The following CWC27 variants were observed in gnomAD, a reference collection of about 807,000 sequenced individuals.
CWC27 encodes the protein CWC27 spliceosome associated cyclophilin, also known as spliceosome-associated protein CWC27 homolog.
A neutral mutation model predicts 63.6 loss-of-function variants in CWC27; 47 were observed. That is an observed-to-expected ratio of 0.74 (90% CI 0.58 to 0.94). The LOEUF is 0.94. Among genes scored for constraint, CWC27 ranks in the 40% least tolerant of loss-of-function variants. The probability of loss-of-function intolerance (pLI) is 0.00; values close to 1 mark genes in which losing one functional copy is unlikely to be tolerated. For synonymous variants in CWC27, 175 were observed against 179.8 expected (o/e 0.97, Z 0.22); for missense variants, 495 against 554.3 (o/e 0.89, Z 1.07).
At position 64,991,796 on chromosome 5, in the gene CWC27, T is replaced by C. The variant is rs965832590; in HGVS notation, c.1256+14558T>C. ...AATTAAAGGTTTTAAATGAACAAAT[T>C]TGCTCTGCCCCAAATTGTATTTATA... On this transcript the variant is annotated intron_variant, in intron 13 of 13. Transcript: ENST00000381070. Among the ~76,000 whole-genome samples the C allele has an allele frequency of 9.2e-5, 14 of 152,168 alleles. 1 individual carries two copies. Among genetic ancestry groups the C allele is most frequent in the Admixed American group, 9.2e-4 (14 of 15,284 alleles).
chr5:64,796,824 TCTTC>T (rs1247442287), intron 7 of CWC27, among the ~76,000 whole-genome samples: 3 of 68,412 alleles, frequency 4.4e-5, no homozygotes, highest in Admixed American at 2.4e-4. Context: ...TCCTTTTCCT[TCTTC>T]CTTCCTTCCT....
intron 13 of CWC27, among the ~76,000 whole-genome samples, chr5:65,002,597 A>C (rs1238647714): frequency 6.6e-6 from 1 of 152,002 alleles, no homozygotes; most frequent in Non-Finnish European, 1.5e-5. Flanking sequence ...TACAGTTTCC[A>C]ATGTTTCTTT....
At chr5:64,924,480 C>T (rs894005007) in intron 11 of CWC27, among the ~76,000 whole-genome samples, 3 of 152,272 alleles carry the variant, frequency 2.0e-5, no homozygotes, top group Non-Finnish European at 4.4e-5. Flanking sequence ...ATGTAATCTA[C>T]GTCTCTGTTT....
intron 13 of CWC27, among the ~76,000 whole-genome samples, chr5:65,004,858 T>C (rs1749799141): frequency 1.1e-5 from 1 of 92,124 alleles, no homozygotes; most frequent in East Asian, 3.3e-4. Context: ...GGAAAGACTT[T>C]TTCATATATA....
At chr5:64,808,356 G>C (rs896447595) in intron 10 of CWC27, 9 of 986,824 alleles carry the variant, frequency 9.1e-6, no homozygotes, top group Admixed American at 6.0e-5. Context: ...TGACTCCTTA[G>C]TGCAAACCTA....
At chr5:64,963,725 A>T (rs554665717) in intron 11 of CWC27, among the ~76,000 whole-genome samples, 38 of 152,350 alleles carry the variant, frequency 2.5e-4, no homozygotes, top group Non-Finnish European at 3.5e-4. Context: ...GGTATCACAG[A>T]TGAATATAAT....
intron 10 of CWC27, chr5:64,844,806 G>C (rs1745932930): frequency 4.6e-6 from 2 of 435,258 alleles, no homozygotes; most frequent in Non-Finnish European, 9.3e-6. Context: ...GACCCAGGCA[G>C]TCAAACAGCC....
intron 7 of CWC27, among the ~76,000 whole-genome samples, chr5:64,791,073 C>T (rs1744063820): frequency 6.6e-6 from 1 of 152,252 alleles, no homozygotes; most frequent in East Asian, 1.9e-4. Flanking sequence ...GGGTAGAAGG[C>T]AGCTGGGGAA....
chr5:64,896,739 A>T (rs1161189753), intron 11 of CWC27, among the ~76,000 whole-genome samples: 1 of 152,052 alleles, frequency 6.6e-6, no homozygotes, highest in Admixed American at 6.6e-5. Flanking sequence ...GACTGGCAGG[A>T]TATTTTTTAA....
At chr5:64,928,620 G>A (rs1748167804) in intron 11 of CWC27, among the ~76,000 whole-genome samples, 1 of 151,938 alleles carries the variant, frequency 6.6e-6, no homozygotes. Context: ...AAAAACCATG[G>A]GAATGATAAG....
chr5:64,958,441 C>T (rs566276605), intron 11 of CWC27, among the ~76,000 whole-genome samples: 1 of 152,242 alleles, frequency 6.6e-6, no homozygotes, highest in South Asian at 2.1e-4. Context: ...TACCTAAGAA[C>T]TTCACAGTAC....
At chr5:64,972,701 G>A (rs775472557) in intron 12 of CWC27, 1 of 453,054 alleles carries the variant, frequency 2.2e-6, no homozygotes, top group South Asian at 1.6e-5. Flanking sequence ...CTTCTAAATA[G>A]CAACCATAGT....
At chr5:64,823,426 G>T (rs900197649) in intron 10 of CWC27, among the ~76,000 whole-genome samples, 1 of 152,228 alleles carries the variant, frequency 6.6e-6, no homozygotes, top group Non-Finnish European at 1.5e-5. Flanking sequence ...TTTAAAGGGT[G>T]TAGTTCCAAT....
At chr5:64,889,232 G>A (rs988037652) in intron 11 of CWC27, among the ~76,000 whole-genome samples, 3 of 152,122 alleles carry the variant, frequency 2.0e-5, no homozygotes, top group Non-Finnish European at 4.4e-5. Flanking sequence ...GGATATTAGT[G>A]TGGAAAATGG....
Position 64,907,083 on chromosome 5 carries a change from T to C in CWC27, c.1042+21537T>C, listed in dbSNP as rs6869178. On this transcript the variant is annotated intron_variant, in intron 11 of 13. Transcript: ENST00000381070. ...TGGTTACTGTAGCCTTGTAGTATAG[T>C]TTGAAGTAAGGTAGCATGATGGCTC... Among the ~76,000 whole-genome samples the C allele has an allele frequency of 3.8e-3, 586 of 152,314 alleles. 2 individuals carry two copies. The highest frequency in any genetic ancestry group is 0.012 in the African/African-American group (503 of 41,576).
At chr5:64,907,326 A>G (rs959559535) in intron 11 of CWC27, among the ~76,000 whole-genome samples, 1 of 152,050 alleles carries the variant, frequency 6.6e-6, no homozygotes, top group Non-Finnish European at 1.5e-5. Flanking sequence ...ATTTGTTTGT[A>G]TCCTCTTTTA....
chr5:64,831,502 AT>A (rs1745518265), intron 10 of CWC27, among the ~76,000 whole-genome samples: 1 of 151,790 alleles, frequency 6.6e-6, no homozygotes, highest in South Asian at 2.1e-4. Context: ...AGATAGATAG[AT>A]AGATAGATAG....
chr5:64,849,548 G>A (rs1467713923), intron 10 of CWC27, among the ~76,000 whole-genome samples: 1 of 151,992 alleles, frequency 6.6e-6, no homozygotes, highest in Admixed American at 6.6e-5. Context: ...TCGTGAAAGA[G>A]TTCTCACAAG....
At chr5:64,772,734 G>A (rs990663044) in intron 1 of CWC27, among the ~76,000 whole-genome samples, 3 of 148,814 alleles carry the variant, frequency 2.0e-5, no homozygotes, top group Admixed American at 6.7e-5. Context: ...TCAGGAGCTC[G>A]AGACCAGCCT....
Sources: allele counts gnomAD v4.1 joint callset (sites outside exome capture counted in the v4.1 genomes callset), GRCh38; gene constraint gnomAD v4.1.1; transcripts MANE v1.5; gene names NCBI Gene and HGNC (gene_info 2026-07-23, HGNC 2026-07-21).